Variants in ADAM23 observed in about 807,000 individuals in gnomAD.
ADAM23 encodes the protein ADAM metallopeptidase domain 23, also known as disintegrin and metalloproteinase domain-containing protein 23.
A neutral mutation model predicts 120.1 loss-of-function variants in ADAM23; 33 were observed. The observed-to-expected ratio is 0.27, with a 90% CI of 0.21 to 0.37. The LOEUF (loss-of-function observed/expected upper bound fraction) is 0.37, where lower values mean the gene tolerates loss of function less well. ADAM23 is among the 10% of genes least tolerant of loss of function. The probability of loss-of-function intolerance (pLI) is 1.00; values close to 1 mark genes in which losing one functional copy is unlikely to be tolerated. For synonymous variants in ADAM23, 367 were observed against 375.2 expected (o/e 0.98, Z 0.25); for missense variants, 862 against 1,058.2 (o/e 0.81, Z 2.57).
chr2:206,477,685 C>T (rs1454226344), intron 2 of ADAM23, among the ~76,000 whole-genome samples: 2 of 151,632 alleles, frequency 1.3e-5, no homozygotes, highest in African/African-American at 4.8e-5. Context: ...TGTATAGTTC[C>T]TTTGTAAAAG....
chr2:206,496,699 CAATG>C (rs1476612952), intron 3 of ADAM23, among the ~76,000 whole-genome samples: 2 of 152,048 alleles, frequency 1.3e-5, no homozygotes, highest in Non-Finnish European at 2.9e-5. Context: ...TTCAAAAAAT[CAATG>C]AATCCAGGAG....
intron 25 of ADAM23, among the ~76,000 whole-genome samples, chr2:206,616,447 A>T (rs1006591596): frequency 6.6e-6 from 1 of 152,244 alleles, no homozygotes; most frequent in African/African-American, 2.4e-5. Context: ...AAAAGAAAAG[A>T]CAAGTTTTCT....
At chr2:206,555,607 A>C (rs1697627517) in intron 9 of ADAM23, among the ~76,000 whole-genome samples, 2 of 152,190 alleles carry the variant, frequency 1.3e-5, no homozygotes, top group Non-Finnish European at 2.9e-5. Flanking sequence ...AATTTAAAAC[A>C]TTACATTTTG....
intron 2 of ADAM23, among the ~76,000 whole-genome samples, chr2:206,480,751 G>A (rs1259479165): frequency 1.3e-5 from 2 of 152,088 alleles, no homozygotes; most frequent in African/African-American, 4.8e-5. Flanking sequence ...TTACAAGGTT[G>A]TACTCTCCCA....
intron 3 of ADAM23, among the ~76,000 whole-genome samples, chr2:206,491,029 A>G (rs1696122499): frequency 6.6e-6 from 1 of 152,242 alleles, no homozygotes; most frequent in South Asian, 2.1e-4. Flanking sequence ...AAACATAACA[A>G]GATTATTAAA....
intron 2 of ADAM23, among the ~76,000 whole-genome samples, chr2:206,478,437 T>C (rs142065479): frequency 2.9e-4 from 44 of 152,080 alleles, no homozygotes; most frequent in African/African-American, 9.6e-4. Flanking sequence ...TAAACAGATA[T>C]CTTGTTGCTG....
chr2:206,471,846 A>G, intron 2 of ADAM23, among the ~76,000 whole-genome samples: 1 of 152,170 alleles, frequency 6.6e-6, no homozygotes, highest in East Asian at 1.9e-4. Flanking sequence ...CTTCCATGGT[A>G]ACTGTTGTCA....
intron 9 of ADAM23, among the ~76,000 whole-genome samples, chr2:206,553,381 A>G (rs1697574111): frequency 6.6e-6 from 1 of 152,160 alleles, no homozygotes; most frequent in Admixed American, 6.5e-5. Context: ...GGTTGCACTG[A>G]GCCAAGATTG....
intron 3 of ADAM23, among the ~76,000 whole-genome samples, chr2:206,521,071 C>T (rs1010229696): frequency 6.6e-6 from 1 of 152,098 alleles, no homozygotes; most frequent in Non-Finnish European, 1.5e-5. Flanking sequence ...AGCCCTGCTT[C>T]TTCACTAAAG....
chr2:206,574,097 C>G (rs927761783), intron 18 of ADAM23, among the ~76,000 whole-genome samples: 3 of 152,140 alleles, frequency 2.0e-5, no homozygotes, highest in Admixed American at 2.0e-4. Context: ...CACACTGGCT[C>G]TCGTTCTTCA....
chr2:206,576,141 T>C (rs1023081057), intron 18 of ADAM23, among the ~76,000 whole-genome samples: 3 of 152,174 alleles, frequency 2.0e-5, no homozygotes, highest in African/African-American at 4.8e-5. Flanking sequence ...TTCTGTAATA[T>C]AATGACAAAG....
chr2:206,565,357 T>G (rs952515225), intron 14 of ADAM23, among the ~76,000 whole-genome samples: 4 of 152,202 alleles, frequency 2.6e-5, no homozygotes, highest in Admixed American at 6.5e-5. Context: ...AATTTTTTAG[T>G]ACACTTAGAT....
At chr2:206,510,164 C>T (rs1051676023) in intron 3 of ADAM23, among the ~76,000 whole-genome samples, 1 of 152,156 alleles carries the variant, frequency 6.6e-6, no homozygotes, top group Admixed American at 6.6e-5. Flanking sequence ...AGGAATTATA[C>T]GTGGAGGAAC....
intron 3 of ADAM23, among the ~76,000 whole-genome samples, chr2:206,486,085 A>G (rs1696006478): frequency 6.6e-6 from 1 of 152,236 alleles, no homozygotes; most frequent in Admixed American, 6.5e-5. Context: ...CAGTCAGGCG[A>G]TGAAGGACTG....
At position 206,582,225 on chromosome 2, in the gene ADAM23, A is replaced by G. The variant is rs558738338; in HGVS notation, c.1738-5100A>G. Among the ~76,000 whole-genome samples the G allele has an allele frequency of 3.6e-4, 55 of 152,320 alleles. No homozygotes were observed. In the South Asian group the frequency reaches 8.9e-3, roughly 25 times the overall value. ...ATTGTTTGGTAAGTGTGGTAGCTCC[A>G]GTGTTAGGTGCATATATGTTTAGGA... On this transcript the variant is annotated intron_variant, in intron 18 of 25. Transcript: ENST00000264377.
rs1559263097 is a variant in ADAM23, at chr2:206,557,417, TC to T, written c.934-4del. 1.9e-6 allele frequency: 3 copies of T among 1,610,336 alleles called. No individual in the cohort carries two copies. The highest frequency in any genetic ancestry group is 2.5e-6 in the Non-Finnish European group (3 of 1,176,684). On this transcript the variant is annotated splice_polypyrimidine_tract_variant and intron_variant, in intron 9 of 25. Transcript: ENST00000264377. ...GATTTGGCAGTGACTGGTATGTATT[TC>T]CCCCCTAGTATAAGAAGCATCGCTC...
intron 18 of ADAM23, among the ~76,000 whole-genome samples, chr2:206,579,288 T>C: frequency 6.6e-6 from 1 of 152,236 alleles, no homozygotes; most frequent in East Asian, 1.9e-4. Flanking sequence ...TTTGGGTTCT[T>C]GGTCATGAAA....
rs1212969251 is a variant in ADAM23 at position 206,577,478 on chromosome 2, G to A, written c.1737+4283G>A. Among the ~76,000 whole-genome samples, 5 of 139,094 alleles carry A rather than the reference G, an allele frequency of 3.6e-5. No homozygotes were observed. The East Asian group carries it at 1.1e-3, about 30-fold the overall frequency. 91.3% of individuals were successfully genotyped at this position (139,094 alleles called of 152,430 possible). On this transcript the variant is annotated intron_variant, in intron 18 of 25. Transcript: ENST00000264377. ...CTTCCTGTGTCCATGTGATCTCATT[G>A]TTCAGTTCCCACCTATGAGTGAGAA...
intron 3 of ADAM23, among the ~76,000 whole-genome samples, chr2:206,502,135 A>G (rs1326904648): frequency 6.6e-6 from 1 of 152,140 alleles, no homozygotes; most frequent in Non-Finnish European, 1.5e-5. Flanking sequence ...TCAGTATGCA[A>G]TACCACAATT....
Sources: gnomAD v4.1 joint callset for allele counts (sites outside exome capture counted in the v4.1 genomes callset) on GRCh38, gnomAD v4.1.1 for gene constraint, MANE v1.5 for transcripts, NCBI Gene and HGNC (gene_info 2026-07-23, HGNC 2026-07-21) for gene names.